MEF2C: variants seen among roughly 807,000 people sequenced by gnomAD.
MEF2C encodes myocyte enhancer factor 2C, also known as myocyte-specific enhancer factor 2C.
Under a neutral mutation model 50.5 loss-of-function variants are expected in MEF2C, and 6 were observed. That is an observed-to-expected ratio of 0.12 (90% confidence interval 0.07 to 0.23). MEF2C has a LOEUF of 0.23. MEF2C is among the 10% of genes least tolerant of loss of function. The pLI is 1.00. For synonymous variants in MEF2C, 183 were observed against 228.0 expected (o/e 0.80, Z 1.78); for missense variants, 276 against 605.0 (o/e 0.46, Z 5.70).
intron 3 of MEF2C, among the ~76,000 whole-genome samples, chr5:88,767,082 C>T (rs1780374524): frequency 6.6e-6 from 1 of 152,208 alleles, no homozygotes; most frequent in South Asian, 2.1e-4. Context: ...CACGCTGCTG[C>T]TGTTTCCTGA....
intron 1 of MEF2C, among the ~76,000 whole-genome samples, chr5:88,893,760 CAG>C (rs34206030): frequency 0.22 from 34,072 of 151,836 alleles, 4,106 homozygotes; most frequent in Non-Finnish European, 0.29. Flanking sequence ...TAGGAAGAAA[CAG>C]AATTTTCACT....
Position 88,823,853 on chromosome 5 carries a change from C to T in MEF2C, c.-65G>A. On this transcript the variant is annotated 5_prime_UTR_variant, in exon 2 of 11. Transcript: ENST00000504921. The stretch of plus-strand genomic sequence containing the variant: ...GTATTTTTTCCTTCCTTTTCTTTCT[C>T]TTTCCTGTTTCCTCCAAACAAATCT... 1.2e-6 allele frequency: 2 copies of T among 1,600,398 alleles called. No homozygotes were observed. Among genetic ancestry groups the T allele is most frequent in the South Asian group, 1.1e-5 (1 of 88,556 alleles).
chr5:88,800,877 G>A (rs1156329896), intron 3 of MEF2C, among the ~76,000 whole-genome samples: 2 of 152,042 alleles, frequency 1.3e-5, no homozygotes, highest in Non-Finnish European at 2.9e-5. Context: ...TTTATATATT[G>A]TATCTAAACA....
intron 2 of MEF2C, chr5:88,819,248 CA>C: frequency 3.3e-6 from 2 of 597,502 alleles, no homozygotes; most frequent in Non-Finnish European, 4.2e-6. Flanking sequence ...TATTATATTA[CA>C]CTAGATGCAT....
rs35356282 is a variant in MEF2C at position 88,826,167 on chromosome 5, TA to T, written c.-142-2238del. 2.3e-3 allele frequency among the ~76,000 whole-genome samples: 356 copies of T among 151,504 alleles called. 3 individuals are homozygous for T. The highest frequency in any genetic ancestry group is 7.0e-3 in the African/African-American group (291 of 41,326). ...TTTTAAAAAGAGCAGAGCAAGGACT[TA>T]AAAAAAAATTTCTTAAAACATGCTG... On this transcript the variant is annotated intron_variant, in intron 1 of 10. Coordinates refer to ENST00000504921, the MANE Select transcript of MEF2C (RefSeq NM_002397.5).
At chr5:88,770,935 T>A (rs536140714) in intron 3 of MEF2C, among the ~76,000 whole-genome samples, 1 of 152,350 alleles carries the variant, frequency 6.6e-6, no homozygotes, top group African/African-American at 2.4e-5. Flanking sequence ...GACTGAGTAA[T>A]TTATAAAGAA....
intron 2 of MEF2C, among the ~76,000 whole-genome samples, chr5:88,820,592 C>G (rs1289618723): frequency 6.6e-6 from 1 of 151,916 alleles, no homozygotes; most frequent in South Asian, 2.1e-4. Context: ...GCTAAATAAA[C>G]AAGTGCAATG....
intron 2 of MEF2C, among the ~76,000 whole-genome samples, chr5:88,812,200 T>C (rs1402995975): frequency 6.6e-6 from 1 of 152,122 alleles, no homozygotes; most frequent in African/African-American, 2.4e-5. Context: ...CTCAGCTATA[T>C]CCTAGTTTTT....
intron 3 of MEF2C, among the ~76,000 whole-genome samples, chr5:88,774,538 G>A (rs1462359404): frequency 6.6e-6 from 1 of 151,938 alleles, no homozygotes; most frequent in African/African-American, 2.4e-5. Context: ...TAGCCAGCAT[G>A]GTCTCGATCT....
chr5:88,822,595 G>A (rs1220410067), intron 2 of MEF2C, among the ~76,000 whole-genome samples: 1 of 151,860 alleles, frequency 6.6e-6, no homozygotes, highest in Non-Finnish European at 1.5e-5. Flanking sequence ...TTTGATGCAA[G>A]AAATAATTAA....
chr5:88,808,901 C>T (rs1385140867), intron 2 of MEF2C, among the ~76,000 whole-genome samples: 2 of 151,970 alleles, frequency 1.3e-5, no homozygotes, highest in Non-Finnish European at 2.9e-5. Flanking sequence ...GGGACAAGTC[C>T]ATATTTCTTT....
intron 1 of MEF2C, among the ~76,000 whole-genome samples, chr5:88,854,174 C>T (rs1428053302): frequency 1.3e-5 from 2 of 152,140 alleles, no homozygotes; most frequent in African/African-American, 2.4e-5. Context: ...ACTTCTAAAT[C>T]TCAGTTTTCT....
At chr5:88,864,074 G>A (rs2153431049) in intron 1 of MEF2C, among the ~76,000 whole-genome samples, 1 of 151,260 alleles carries the variant, frequency 6.6e-6, no homozygotes, top group Non-Finnish European at 1.5e-5. Context: ...TTCCAGCCTT[G>A]GCCTCCCGAA....
intron 4 of MEF2C, among the ~76,000 whole-genome samples, chr5:88,759,344 T>A (rs1776823644): frequency 6.6e-6 from 1 of 151,748 alleles, no homozygotes; most frequent in African/African-American, 2.4e-5. Context: ...TAGCCGGGAG[T>A]GGTGGCACAT....
rs73773730 is a variant in MEF2C at position 88,730,524 on chromosome 5, A to G, written c.811-290T>C. 0.018 allele frequency among the ~76,000 whole-genome samples: 2,760 copies of G among 152,166 alleles called. 84 individuals carry two copies. The highest frequency in any genetic ancestry group is 0.063 in the African/African-American group (2,608 of 41,506). ...GGAAAAAAAAAGACTGTGCTTTGAA[A>G]CCTCACTTGCTGGAGGAAGGGGAGC... is the stretch of plus-strand genomic sequence containing the variant. On this transcript the variant is annotated intron_variant, in intron 7 of 10. Coordinates refer to ENST00000504921, the MANE Select transcript of MEF2C (RefSeq NM_002397.5).
intron 1 of MEF2C, among the ~76,000 whole-genome samples, chr5:88,868,949 C>T (rs1016926561): frequency 1.3e-5 from 2 of 151,920 alleles, no homozygotes; most frequent in Admixed American, 1.3e-4. Flanking sequence ...GGCACGTATA[C>T]ATTATAATAT....
chr5:88,845,610 T>A (rs906910114), intron 1 of MEF2C, among the ~76,000 whole-genome samples: 2 of 152,198 alleles, frequency 1.3e-5, no homozygotes, highest in African/African-American at 2.4e-5. Flanking sequence ...GATAAGCTTA[T>A]CTAAAGTAGG....
intron 2 of MEF2C, among the ~76,000 whole-genome samples, chr5:88,823,183 C>T (rs1054050143): frequency 6.6e-6 from 1 of 151,848 alleles, no homozygotes; most frequent in Non-Finnish European, 1.5e-5. Flanking sequence ...ATGAATTAAC[C>T]GATAGTCCTT....
intron 3 of MEF2C, among the ~76,000 whole-genome samples, chr5:88,791,093 T>C (rs1389365993): frequency 2.0e-5 from 3 of 152,340 alleles, no homozygotes; most frequent in Middle Eastern, 3.4e-3. Context: ...TTGATTCTTA[T>C]TCGGCACCTT....
Sources: allele counts gnomAD v4.1 joint callset (sites outside exome capture counted in the v4.1 genomes callset), GRCh38; gene constraint gnomAD v4.1.1; transcripts MANE v1.5; gene names NCBI Gene and HGNC (gene_info 2026-07-23, HGNC 2026-07-21).